Variants in RIT1 observed in about 807,000 individuals in gnomAD.
RIT1 encodes GTP-binding protein Rit1.
In RIT1, 6 loss-of-function variants were observed where a neutral mutation model predicts 25.6. The ratio of observed to expected loss-of-function variants is 0.23; its 90% CI spans 0.13 to 0.46. RIT1 has a LOEUF of 0.46. RIT1 is among the 20% of genes least tolerant of loss of function. The pLI is 0.99. For synonymous variants in RIT1, 81 were observed against 94.1 expected, an observed-to-expected ratio of 0.86 and a Z score of 0.80; for missense variants, 219 against 284.4, an observed-to-expected ratio of 0.77 and a Z score of 1.65.
Position 155,898,510 on chromosome 1 carries a change from AAAAAAAAAATATATATATAT to A in RIT1, c.*1858_*1877del, listed in dbSNP as rs1027627767. 2.7e-5 allele frequency: 3 copies of A among 112,092 alleles called. No homozygotes were observed. The highest frequency in any genetic ancestry group is 1.0e-4 in the African/African-American group (3 of 28,656). The allele number at this position is 112,092 out of a possible 1,614,324, so 6.9% of individuals were successfully genotyped here. A position where few individuals can be genotyped will look rare whatever the true frequency, so the allele number is the denominator to read the frequency against. ...CTCTATTTAAAAAAAAAAAAAAAAAAAAAAAAAAATATATATATATATATATATATATATCTCTTAATGTT... is the reference window on the plus strand; with the variant it reads ...CTCTATTTAAAAAAAAAAAAAAAAAAATATATATATATATCTCTTAATGTT... On this transcript the variant is annotated 3_prime_UTR_variant, in exon 6 of 6. Transcript: ENST00000368323.
At position 155,900,584 on chromosome 1, in the gene RIT1, T is replaced by C; in HGVS notation, c.464A>G (p.Glu155Gly). 1 of 1,614,162 alleles carries C rather than the reference T, an allele frequency of 6.2e-7. No homozygotes were observed. ...TKEEGLALAR[E>G]FSCPFFETSA... Reference sequence around the variant, plus strand: ...TGTCTCAAAAAAGGGACAGCTGAATTCTCGGGCCAAGGCCAATCCTTCTTC... The same window carrying C: ...TGTCTCAAAAAAGGGACAGCTGAATCCTCGGGCCAAGGCCAATCCTTCTTC... The change falls in exon 6 of 6, where the codon GAA (glutamate) becomes GGA (glycine). Residue 155 changes from glutamate (E) to glycine (G), a missense_variant. This residue lies in a region of RIT1 where 81 missense variants were observed against 83.8 expected (regional missense o/e 0.97). Transcript: ENST00000368323.
At position 155,898,862 on chromosome 1, in the gene RIT1, A is replaced by T. The variant is rs903723760; in HGVS notation, c.*1526T>A. 4.5e-5 allele frequency: 9 copies of T among 198,150 alleles called. No homozygotes were observed. Among genetic ancestry groups the T allele is most frequent in the Non-Finnish European group, 7.3e-5 (7 of 95,712 alleles). The allele number at this position is 198,150 out of a possible 1,614,324, so 12.3% of individuals were successfully genotyped here. A position where few individuals can be genotyped will look rare whatever the true frequency, so the allele number is the denominator to read the frequency against. ...AAAAAAGTTCTAACAGTCACTTTTT[A>T]AAAAAGCTAGTTTATCATTTGTTTA... is the stretch of plus-strand genomic sequence containing the variant. On this transcript the variant is annotated 3_prime_UTR_variant, in exon 6 of 6. Coordinates refer to ENST00000368323, the MANE Select transcript of RIT1 (RefSeq NM_006912.6).
intron 5 of RIT1, among the ~76,000 whole-genome samples, chr1:155,901,710 C>T (rs1673315944): frequency 6.6e-6 from 1 of 151,684 alleles, no homozygotes; most frequent in Non-Finnish European, 1.5e-5. Flanking sequence ...CCCAGCTACT[C>T]AGGAGGCTAA....
At chr1:155,903,023 C>A (rs1279442141) in intron 5 of RIT1, among the ~76,000 whole-genome samples, 1 of 151,468 alleles carries the variant, frequency 6.6e-6, no homozygotes, top group East Asian at 2.0e-4. Context: ...TTAGGCCGGG[C>A]GCGGTGGCTC....
intron 3 of RIT1, among the ~76,000 whole-genome samples, chr1:155,906,777 AAAAAAAAGAAAAAAAG>A (rs1443752345): frequency 1.4e-5 from 2 of 139,318 alleles, no homozygotes; most frequent in South Asian, 4.9e-4. Flanking sequence ...AAAAAAAAAA[AAAAAAAAGAAAAAAAG>A]AAAAAAAAAG....
At chr1:155,904,020 T>A (rs796804075) in intron 5 of RIT1, among the ~76,000 whole-genome samples, 20 of 152,216 alleles carry the variant, frequency 1.3e-4, no homozygotes, top group African/African-American at 4.8e-4. Context: ...CACCTCAGCC[T>A]CCCAACTAGC....
chr1:155,901,275 G>A (rs959570075), intron 5 of RIT1, among the ~76,000 whole-genome samples: 1 of 152,150 alleles, frequency 6.6e-6, no homozygotes, highest in Non-Finnish European at 1.5e-5. Flanking sequence ...TAAGGTAGGA[G>A]GATTGCTTGA....
In RIT1 at chr1:155,910,484, G is replaced by C. The variant is rs769063568; in HGVS notation, c.129C>G (p.Ser43Arg). The C allele has an allele frequency of 6.2e-7, 1 of 1,614,164 alleles. No homozygotes were observed. The highest frequency in any genetic ancestry group is 1.1e-5 in the South Asian group (1 of 91,074). Reference sequence around the variant, plus strand: ...GATCATGATCTTCTGGGAATCGGTGGCTGATGAACTGCATGGTCATGGCTT... The same window carrying C: ...GATCATGATCTTCTGGGAATCGGTGCCTGATGAACTGCATGGTCATGGCTT... ...GKSAMTMQFI[S>R]HRFPEDHDPT... Residue 43 changes from serine (S) to arginine (R), a missense_variant, in exon 3 of 6, where the codon AGC (serine) becomes AGG (arginine). Coordinates refer to ENST00000368323, the MANE Select transcript of RIT1 (RefSeq NM_006912.6).
chr1:155,907,013 C>A (rs139816890), intron 3 of RIT1, among the ~76,000 whole-genome samples: 1 of 151,362 alleles, frequency 6.6e-6, no homozygotes, highest in Admixed American at 6.6e-5. Flanking sequence ...TAGGGTGAGG[C>A]GGGAGGATCA....
In RIT1 at chr1:155,900,546, G is replaced by A. The variant is rs1056960726; in HGVS notation, c.502C>T (p.Arg168Cys). ...TGGAAAACATCATCAATATAGTAGC[G>A]GTATGCAGCAGATGTCTCAAAAAAG... The part of the protein sequence containing the change: ...CPFFETSAAY[R>C]YYIDDVFHAL... Residue 168 changes from arginine to cysteine, a missense_variant, in exon 6 of 6, where the codon CGC becomes TGC. By Grantham distance (180) the Arg-to-Cys change is radical (BLOSUM62 -3). This residue lies in a region of RIT1 where 81 missense variants were observed against 83.8 expected (regional missense o/e 0.97). Coordinates refer to ENST00000368323, the MANE Select transcript of RIT1 (RefSeq NM_006912.6). The A allele has an allele frequency of 1.2e-6, 2 of 1,614,084 alleles. No individual in the cohort carries two copies. The highest frequency in any genetic ancestry group is 1.1e-5 in the South Asian group (1 of 91,074).
At chr1:155,901,759 G>A (rs530156680) in intron 5 of RIT1, among the ~76,000 whole-genome samples, 5 of 152,012 alleles carry the variant, frequency 3.3e-5, no homozygotes, top group South Asian at 2.1e-4. Flanking sequence ...TCAAGGCTGC[G>A]GTAAGCCATG....
intron 5 of RIT1, among the ~76,000 whole-genome samples, chr1:155,901,735 T>C (rs1203585695): frequency 5.9e-5 from 9 of 152,054 alleles, no homozygotes; most frequent in Non-Finnish European, 1.3e-4. Flanking sequence ...AGAGGATCAC[T>C]TGAGCCCAGG....
At chr1:155,900,780 G>C (rs546867498) in intron 5 of RIT1, among the ~76,000 whole-genome samples, 162 bp from the exon 6 acceptor site, 1 of 152,038 alleles carries the variant, frequency 6.6e-6, no homozygotes, top group Admixed American at 6.5e-5. Context: ...TACTTCTAAG[G>C]TTTCTTATTC....
chr1:155,910,925 C>T, intron 1 of RIT1, 121 bp from the exon 2 acceptor site: 1 of 1,551,694 alleles, frequency 6.4e-7, no homozygotes, highest in Non-Finnish European at 8.7e-7. Flanking sequence ...GCCTGTCCCT[C>T]TTGCTCACCA....
chr1:155,906,632 G>T (rs1476977272), intron 3 of RIT1, among the ~76,000 whole-genome samples: 1 of 151,338 alleles, frequency 6.6e-6, no homozygotes, highest in Non-Finnish European at 1.5e-5. Flanking sequence ...GTGGTCACAG[G>T]CGCCTGTAAT....
rs994101297 is a variant in RIT1, at chr1:155,900,296, T to C, written c.*92A>G. On this transcript the variant is annotated 3_prime_UTR_variant, in exon 6 of 6. Coordinates refer to ENST00000368323, the MANE Select transcript of RIT1 (RefSeq NM_006912.6). Reference sequence around the variant, plus strand: ...AGGCATGTCCCTCTTATCAGTTAAGTGAAAGAGCAAGCACCATACTCAGTA... The same window carrying C: ...AGGCATGTCCCTCTTATCAGTTAAGCGAAAGAGCAAGCACCATACTCAGTA... 1 of 859,746 alleles carries C rather than the reference T, an allele frequency of 1.2e-6. No homozygotes were observed. The allele number at this position is 859,746 out of a possible 1,614,324, so 53.3% of individuals were successfully genotyped here.
In RIT1 at chr1:155,909,936, AAC is replaced by A. The variant is rs1553229405; in HGVS notation, c.163+512_163+513del. On this transcript the variant is annotated intron_variant, in intron 3 of 5. Coordinates refer to ENST00000368323, the MANE Select transcript of RIT1 (RefSeq NM_006912.6). Reference sequence around the variant, plus strand: ...GACTCCATCTCAAAAAAAAAAAAAAAACAACAGACAGACATGGGAGAAGACAT... The same window carrying A: ...GACTCCATCTCAAAAAAAAAAAAAAAAACAGACAGACATGGGAGAAGACAT... 2.6e-4 allele frequency among the ~76,000 whole-genome samples: 40 copies of A among 151,572 alleles called. No individual in the cohort carries two copies. The East Asian group carries it at 6.2e-3, about 23-fold the overall frequency.
In RIT1 at chr1:155,898,481, T is replaced by A. The variant is rs1673230418; in HGVS notation, c.*1907A>T. ...TCAGCCTGGGCAACATAGTGAAACC[T>A]CATCTCTATTTAAAAAAAAAAAAAA... On this transcript the variant is annotated 3_prime_UTR_variant, in exon 6 of 6. Coordinates refer to ENST00000368323, the MANE Select transcript of RIT1 (RefSeq NM_006912.6). The A allele has an allele frequency of 2.0e-5, 2 of 100,400 alleles. No homozygotes were observed. The highest frequency in any genetic ancestry group is 7.4e-4 in the South Asian group (2 of 2,718). The allele number at this position is 100,400 out of a possible 1,614,324, so 6.2% of individuals were successfully genotyped here.
intron 3 of RIT1, among the ~76,000 whole-genome samples, chr1:155,907,536 G>A (rs1006307228): frequency 2.0e-5 from 3 of 152,278 alleles, no homozygotes; most frequent in Non-Finnish European, 2.9e-5. Context: ...GATTACAGGC[G>A]TAAGCCTCCG....
Sources: allele counts gnomAD v4.1 joint callset (sites outside exome capture counted in the v4.1 genomes callset), GRCh38; gene constraint gnomAD v4.1.1; regional missense constraint gnomAD v4.1.1; transcripts MANE v1.5; gene names NCBI Gene and HGNC (gene_info 2026-07-23, HGNC 2026-07-21).